Variants in PREX1 observed in about 807,000 individuals in gnomAD.
The protein encoded by PREX1 is phosphatidylinositol-3,4,5-trisphosphate dependent Rac exchange factor 1, also known as phosphatidylinositol 3,4,5-trisphosphate-dependent Rac exchanger 1 protein.
A neutral mutation model predicts 198.3 loss-of-function variants in PREX1; 41 were observed. The observed-to-expected ratio is 0.21, with a 90% CI of 0.16 to 0.27. PREX1 has a LOEUF of 0.27. Among genes scored for constraint, PREX1 ranks in the 10% least tolerant of loss-of-function variants. The pLI, the probability that PREX1 is intolerant of heterozygous loss-of-function variation, is 1.00. For missense variants in PREX1, 1,620 were observed against 2,200.7 expected (o/e 0.74, Z 5.28); for synonymous variants, 843 against 887.2 (o/e 0.95, Z 0.89).
intron 5 of PREX1, among the ~76,000 whole-genome samples, chr20:48,712,770 A>T (rs922135259): frequency 2.6e-5 from 4 of 152,172 alleles, no homozygotes; most frequent in Non-Finnish European, 5.9e-5. Context: ...CCAAAAAATG[A>T]GGGCCCATTC....
intron 4 of PREX1, among the ~76,000 whole-genome samples, chr20:48,728,448 G>C (rs1376125721): frequency 2.6e-5 from 4 of 152,240 alleles, no homozygotes; most frequent in African/African-American, 9.6e-5. Flanking sequence ...ATCACAATAA[G>C]CTCTGCCTGG....
intron 15 of PREX1, among the ~76,000 whole-genome samples, chr20:48,664,883 G>A (rs1601058831): frequency 6.7e-6 from 1 of 148,158 alleles, no homozygotes; most frequent in African/African-American, 2.5e-5. Flanking sequence ...GGCTCCAGAC[G>A]GCCTGAATTC....
At chr20:48,628,006 CAG>C in intron 37 of PREX1, 43 bp from the exon 38 acceptor site, 2 of 1,202,956 alleles carry the variant, frequency 1.7e-6, no homozygotes, top group Non-Finnish European at 2.4e-6. Context: ...GGTGGGGGGA[CAG>C]GGGTCGGGGG....
At chr20:48,855,346 G>T in the PREX1 span, among the ~76,000 whole-genome samples, 1 of 152,012 alleles carries the variant, frequency 6.6e-6, no homozygotes, top group Admixed American at 6.6e-5. Context: ...TAATAATCTT[G>T]ATTTCTGCTG....
At chr20:48,703,140 G>C (rs1334834923) in intron 6 of PREX1, among the ~76,000 whole-genome samples, 1 of 152,204 alleles carries the variant, frequency 6.6e-6, no homozygotes, top group African/African-American at 2.4e-5. Context: ...GAGAAGCCAG[G>C]CTGTCTGCTA....
chr20:48,796,123 A>G (rs2090361375), intron 1 of PREX1, among the ~76,000 whole-genome samples: 1 of 152,218 alleles, frequency 6.6e-6, no homozygotes, highest in Non-Finnish European at 1.5e-5. Context: ...TGTATTTGTC[A>G]TGTTATGAAA....
intron 2 of PREX1, among the ~76,000 whole-genome samples, chr20:48,746,943 C>A (rs1279646078): frequency 0.069 from 9 of 130 alleles, no homozygotes; most frequent in African/African-American, 0.21. Context: ...AGTGCATGAA[C>A]ACACACACAC....
intron 39 of PREX1, among the ~76,000 whole-genome samples, chr20:48,627,311 G>A (rs986944163): frequency 1.3e-5 from 2 of 151,714 alleles, no homozygotes; most frequent in African/African-American, 4.8e-5. Context: ...TGAGGTGGGA[G>A]GATCTCATAG....
chr20:48,790,478 G>A (rs1446440040), intron 1 of PREX1, among the ~76,000 whole-genome samples: 2 of 151,666 alleles, frequency 1.3e-5, no homozygotes, highest in African/African-American at 4.8e-5. Context: ...AAGTTTAACA[G>A]GGAAAAAAAG....
intron 1 of PREX1, among the ~76,000 whole-genome samples, chr20:48,817,281 G>A (rs1226406608): frequency 1.3e-5 from 2 of 152,190 alleles, no homozygotes; most frequent in East Asian, 3.8e-4. Flanking sequence ...CCTTCAGAGT[G>A]CACAGACCAA....
rs765525806 is a variant in PREX1, at chr20:48,651,038, A to G, written c.2673T>C (p.Ala891=). 7.4e-5 allele frequency: 119 copies of G among 1,614,014 alleles called. No homozygotes were observed. In the Admixed American group the frequency reaches 1.9e-3, roughly 26 times the overall value. The change falls in exon 23 of 40, where the codon GCT becomes GCC. Residue 891 remains alanine (A), a synonymous_variant. Coordinates refer to ENST00000371941, the MANE Select transcript of PREX1 (RefSeq NM_020820.4). ...GLTAKILEAF[A]ANDSVFVENC... is the part of the protein sequence containing the mutation. ...TCTCCACGAAGACGCTGTCATTGGC[A>G]GCAAAGGCCTCGAGGATCTGCAGAA... is the stretch of plus-strand genomic sequence containing the variant.
chr20:48,770,229 G>A (rs1403287611), intron 1 of PREX1, among the ~76,000 whole-genome samples: 1 of 152,140 alleles, frequency 6.6e-6, no homozygotes, highest in Non-Finnish European at 1.5e-5. Context: ...TTGCCCAGGA[G>A]GTATACCAGG....
chr20:48,754,568 G>A (rs2090148558), intron 1 of PREX1, among the ~76,000 whole-genome samples: 1 of 151,872 alleles, frequency 6.6e-6, no homozygotes, highest in Admixed American at 6.6e-5. Context: ...ACTGATGCCG[G>A]CAACCTGATC....
chr20:48,733,879 C>T (rs2090045785), intron 4 of PREX1, among the ~76,000 whole-genome samples: 1 of 152,134 alleles, frequency 6.6e-6, no homozygotes, highest in Non-Finnish European at 1.5e-5. Context: ...GCCTCCCAAA[C>T]AGCTGGGACT....
At chr20:48,863,586 C>CTTTTTTT in the PREX1 span, among the ~76,000 whole-genome samples, 10 of 104,348 alleles carry the variant, frequency 9.6e-5, no homozygotes, top group Admixed American at 2.1e-4. Flanking sequence ...TTCATATTGT[C>CTTTTTTT]TTTTTTTTTT....
chr20:48,703,469 C>T (rs1315868462), intron 6 of PREX1, among the ~76,000 whole-genome samples: 1 of 152,182 alleles, frequency 6.6e-6, no homozygotes, highest in Non-Finnish European at 1.5e-5. Flanking sequence ...CCCCTGGGAC[C>T]CCCAGCATCC....
At chr20:48,842,658 T>C in the PREX1 span, among the ~76,000 whole-genome samples, 2 of 151,260 alleles carry the variant, frequency 1.3e-5, no homozygotes, top group African/African-American at 4.9e-5. Flanking sequence ...AATTATTCAG[T>C]AGCACTCAGC....
intron 25 of PREX1, 143 bp from the exon 26 acceptor site, chr20:48,646,200 C>A (rs930226463): frequency 1.3e-6 from 1 of 769,178 alleles, no homozygotes. Flanking sequence ...CACGGCCAAG[C>A]TACACAAGGC....
At chr20:48,627,255 C>T (rs1233129350) in intron 39 of PREX1, among the ~76,000 whole-genome samples, 2 of 115,192 alleles carry the variant, frequency 1.7e-5, no homozygotes, top group East Asian at 4.4e-4. Flanking sequence ...GGGCACGGGG[C>T]GGGGGCTCAG....
Sources: gnomAD v4.1 joint callset for allele counts (sites outside exome capture counted in the v4.1 genomes callset) on GRCh38, gnomAD v4.1.1 for gene constraint, MANE v1.5 for transcripts, NCBI Gene and HGNC (gene_info 2026-07-23, HGNC 2026-07-21) for gene names.